METTL24: variants seen among roughly 807,000 people sequenced by gnomAD.
The protein encoded by METTL24 is methyltransferase like 24, also known as probable methyltransferase-like protein 24.
METTL24 carries 29 observed loss-of-function variants against 32.7 expected under a neutral mutation model. The ratio of observed to expected loss-of-function variants is 0.89; its 90% CI spans 0.66 to 1.21. METTL24 has a LOEUF of 1.21. METTL24 is among the 50% of genes most tolerant of loss of function. METTL24 has a pLI of 0.00. For synonymous variants in METTL24, 163 were observed against 179.5 expected, an observed-to-expected ratio of 0.91 and a Z score of 0.73; for missense variants, 439 against 468.1, an observed-to-expected ratio of 0.94 and a Z score of 0.57.
Position 110,267,322 on chromosome 6 carries a change from C to A in METTL24, c.787-21062G>T, listed in dbSNP as rs533943355. ...AAATTCAAGCAGTACAAGTTTTGAA[C>A]TTCCTGTTAAATTTATGTAGTGATT... On this transcript the variant is annotated intron_variant, in intron 4 of 4. Transcript: ENST00000338882. 7.9e-5 allele frequency among the ~76,000 whole-genome samples: 12 copies of A among 152,314 alleles called. No homozygotes were observed. The South Asian group carries it at 2.3e-3, about 29-fold the overall frequency.
chr6:110,255,223 T>C (rs547547686), intron 4 of METTL24, among the ~76,000 whole-genome samples: 1 of 152,206 alleles, frequency 6.6e-6, no homozygotes, highest in African/African-American at 2.4e-5. Context: ...GGAACAACAC[T>C]CTACAAATGA....
At chr6:110,345,040 T>G (rs1053888980) in intron 1 of METTL24, among the ~76,000 whole-genome samples, 3 of 152,064 alleles carry the variant, frequency 2.0e-5, no homozygotes, top group Non-Finnish European at 4.4e-5. Context: ...GCATCTGACA[T>G]AGGTCTAATA....
chr6:110,347,597 T>C (rs1302630561), intron 1 of METTL24, among the ~76,000 whole-genome samples: 1 of 152,182 alleles, frequency 6.6e-6, no homozygotes, highest in East Asian at 1.9e-4. Flanking sequence ...TAACCCACAA[T>C]TGCTCCAACT....
chr6:110,358,212 C>G lies in METTL24; in HGVS notation c.61G>C (p.Ala21Pro), dbSNP rs1203103275. The G allele has an allele frequency of 2.7e-6, 4 of 1,481,206 alleles. No individual in the cohort carries two copies. The highest frequency in any genetic ancestry group is 3.6e-6 in the Non-Finnish European group (4 of 1,122,606). The allele number at this position is 1,481,206 out of a possible 1,614,324, so 91.8% of individuals were successfully genotyped here. A position where few individuals can be genotyped will look rare whatever the true frequency, so the allele number is the denominator to read the frequency against. ...AGCCGCAGGCCGAACAACAGCACAG[C>G]CCCGAGTAGACACCGGCGCAGGACG... The part of the protein sequence containing the change: ...CGVLRRCLLG[A>P]VLLFGLRLCA... Residue 21 changes from alanine to proline, a missense_variant, in exon 1 of 5, where the codon GCT (alanine) becomes CCT (proline). Ala to Pro is a conservative substitution (Grantham distance 27). Transcript: ENST00000338882.
Position 110,245,955 on chromosome 6 carries a change from T to C in METTL24, c.1092A>G (p.Arg364=), listed in dbSNP as rs376808175. Residue 364 remains arginine (R), a synonymous_variant, in exon 5 of 5, where the codon AGA becomes AGG. Coordinates refer to ENST00000338882, the MANE Select transcript of METTL24 (RefSeq NM_001123364.3). ...GATGACATCCTGCATCCTATTTCCA[T>C]CTTGTATTCACCCAACTCAGAGTAT... ...SCYTLSWVNT[R]WK 158 of 1,609,470 alleles carry C rather than the reference T, an allele frequency of 9.8e-5. No individual in the cohort carries two copies. The highest frequency in any genetic ancestry group is 1.3e-4 in the Non-Finnish European group (155 of 1,177,384).
intron 4 of METTL24, among the ~76,000 whole-genome samples, chr6:110,280,685 G>T (rs1308989787): frequency 6.7e-6 from 1 of 149,060 alleles, no homozygotes; most frequent in African/African-American, 2.5e-5. Context: ...GCAGGGTCTT[G>T]CTCTGTCACC....
chr6:110,278,722 A>G (rs1017151844), intron 4 of METTL24, among the ~76,000 whole-genome samples: 2 of 152,196 alleles, frequency 1.3e-5, no homozygotes, highest in African/African-American at 4.8e-5. Context: ...AGGAAATCTT[A>G]CTTTAAAAAT....
rs138875848 is a variant in METTL24, at chr6:110,299,579, C to G, written c.558-429G>C. ...TAATTTGTCTCCATTCTAATGGCCA[C>G]AGTGTTGTGTATGCAATTTGACTTA... On this transcript the variant is annotated intron_variant, in intron 3 of 4. Transcript: ENST00000338882. 8.0e-3 allele frequency among the ~76,000 whole-genome samples: 1,219 copies of G among 152,212 alleles called. 9 individuals carry two copies. The highest frequency in any genetic ancestry group is 0.017 in the Middle Eastern group (5 of 292).
intron 1 of METTL24, among the ~76,000 whole-genome samples, chr6:110,323,679 C>A (rs982979462): frequency 4.6e-5 from 7 of 152,038 alleles, no homozygotes; most frequent in African/African-American, 1.7e-4. Context: ...CTATAGTTGT[C>A]AACACCAAGA....
chr6:110,344,118 G>T (rs935325567), intron 1 of METTL24, among the ~76,000 whole-genome samples: 1 of 152,158 alleles, frequency 6.6e-6, no homozygotes, highest in East Asian at 1.9e-4. Context: ...ATGTTATAAG[G>T]GTGGGTAACG....
intron 3 of METTL24, among the ~76,000 whole-genome samples, chr6:110,309,140 T>G (rs1048479054): frequency 2.0e-5 from 3 of 152,104 alleles, no homozygotes; most frequent in African/African-American, 7.2e-5. Context: ...TTTTAAAAGG[T>G]AACAAAACAA....
intron 1 of METTL24, among the ~76,000 whole-genome samples, chr6:110,351,422 A>C (rs1267405778): frequency 6.6e-6 from 1 of 152,166 alleles, no homozygotes; most frequent in Non-Finnish European, 1.5e-5. Context: ...TTAAAGAAAG[A>C]TAGAGCTAGC....
At chr6:110,280,419 T>C (rs1771117582) in intron 4 of METTL24, among the ~76,000 whole-genome samples, 1 of 152,212 alleles carries the variant, frequency 6.6e-6, no homozygotes, top group East Asian at 1.9e-4. Flanking sequence ...GGTTTTATTA[T>C]ACTTCACGTA....
At chr6:110,281,878 A>G (rs1197817817) in intron 4 of METTL24, among the ~76,000 whole-genome samples, 2 of 152,162 alleles carry the variant, frequency 1.3e-5, no homozygotes, top group Non-Finnish European at 2.9e-5. Context: ...GACATAAGGC[A>G]AATGTAGTGA....
chr6:110,319,811 A>T (rs1469948816), intron 2 of METTL24, among the ~76,000 whole-genome samples: 1 of 152,082 alleles, frequency 6.6e-6, no homozygotes, highest in Non-Finnish European at 1.5e-5. Flanking sequence ...AAAATGCATG[A>T]CCCCAACCAT....
chr6:110,289,772 C>T (rs1771285883), intron 4 of METTL24, among the ~76,000 whole-genome samples: 1 of 152,166 alleles, frequency 6.6e-6, no homozygotes, highest in South Asian at 2.1e-4. Context: ...TACAGAGTTT[C>T]TTCCTCAGCC....
rs777996254 is a variant in METTL24, at chr6:110,322,783, G to A, written c.408C>T (p.Ser136=). The change falls in exon 2 of 5, where the codon AGC becomes AGT. Residue 136 remains serine (S), a synonymous_variant. Coordinates refer to ENST00000338882, the MANE Select transcript of METTL24 (RefSeq NM_001123364.3). Reference sequence around the variant, plus strand: ...GAGCCTGAAACACAACCTGGGTGGTGCTGATATATCTCAGGAACCTCCAGG... The same window carrying A: ...GAGCCTGAAACACAACCTGGGTGGTACTGATATATCTCAGGAACCTCCAGG... ...EEAWRFLRYI[S]TTQIACNHMN... 5.6e-6 allele frequency: 9 copies of A among 1,612,932 alleles called. No homozygotes were observed. The highest frequency in any genetic ancestry group is 7.6e-6 in the Non-Finnish European group (9 of 1,179,216).
At chr6:110,347,463 G>C (rs983277155) in intron 1 of METTL24, among the ~76,000 whole-genome samples, 3 of 152,200 alleles carry the variant, frequency 2.0e-5, no homozygotes, top group African/African-American at 7.2e-5. Context: ...CTGATACTTA[G>C]ACTTTATTGT....
At chr6:110,264,594 C>T (rs1275284272) in intron 4 of METTL24, among the ~76,000 whole-genome samples, 2 of 152,156 alleles carry the variant, frequency 1.3e-5, no homozygotes, top group African/African-American at 4.8e-5. Context: ...ACTAGAAATA[C>T]CATTTGACCC....
Sources: gnomAD v4.1 joint callset for allele counts (sites outside exome capture counted in the v4.1 genomes callset) on GRCh38, gnomAD v4.1.1 for gene constraint, MANE v1.5 for transcripts, NCBI Gene and HGNC (gene_info 2026-07-23, HGNC 2026-07-21) for gene names.